The following SMIM33 variants were observed in gnomAD, a reference collection of about 807,000 sequenced individuals.
SMIM33 encodes the protein small integral membrane protein 33.
intron 1 of SMIM33, among the ~76,000 whole-genome samples, chr5:139,472,038 C>T (rs182464030): frequency 2.6e-4 from 40 of 152,266 alleles, no homozygotes; most frequent in Admixed American, 1.3e-3. Flanking sequence ...CCAAGACTCC[C>T]GACCCAGGGC....
In SMIM33 at chr5:139,473,002, C is replaced by T. The variant is rs1232755911; in HGVS notation, c.*81C>T. The T allele has an allele frequency of 1.0e-5, 4 of 398,222 alleles. No homozygotes were observed. The highest frequency in any genetic ancestry group is 2.1e-5 in the African/African-American group (1 of 48,638). 24.7% of individuals were successfully genotyped at this position (398,222 alleles called of 1,614,324 possible). On this transcript the variant is annotated 3_prime_UTR_variant, in exon 2 of 2. Coordinates refer to ENST00000637503, the MANE Select transcript of SMIM33 (RefSeq NM_001365197.1). ...GAACTAGGGCAAAAGCAAATTGGAG[C>T]CTGGGCATCAGAGCGTCGGAAGGGC... is the stretch of plus-strand genomic sequence containing the variant.
intron 1 of SMIM33, 93 bp downstream of exon 1, chr5:139,471,223 CA>C: frequency 2.5e-6 from 1 of 398,862 alleles, no homozygotes. Context: ...TTTTCCTCTG[CA>C]CATCTAGAGC....
intron 1 of SMIM33, 112 bp from the exon 2 acceptor site, chr5:139,472,420 C>T (rs1581444834): frequency 1.5e-5 from 6 of 392,642 alleles, no homozygotes; most frequent in East Asian, 1.1e-4. Flanking sequence ...TGGTCCCTCC[C>T]GCCCTCAACC....
rs1751563223 is a variant in SMIM33 at position 139,473,073 on chromosome 5, G to C, written c.*152G>C. ...TGCTCTCTCAGAACATTTATAGAGA[G>C]AGCCCTGTGGTGGGCAAGAGAAATC... On this transcript the variant is annotated 3_prime_UTR_variant, in exon 2 of 2. Coordinates refer to ENST00000637503, the MANE Select transcript of SMIM33 (RefSeq NM_001365197.1). 1 of 396,722 alleles carries C rather than the reference G, an allele frequency of 2.5e-6. No homozygotes were observed. The highest frequency in any genetic ancestry group is 4.4e-5 in the Admixed American group (1 of 22,686). The allele number at this position is 396,722 out of a possible 1,614,324, so 24.6% of individuals were successfully genotyped here. A position where few individuals can be genotyped will look rare whatever the true frequency, so the allele number is the denominator to read the frequency against.
At chr5:139,471,192 G>A (rs1293277590) in intron 1 of SMIM33, 62 bp downstream of exon 1, 1 of 398,840 alleles carries the variant, frequency 2.5e-6, no homozygotes, top group Non-Finnish European at 4.4e-6. Context: ...CCCCCTGTCT[G>A]TCACCAGCCT....
At position 139,471,070 on chromosome 5, in the gene SMIM33, C is replaced by T. The variant is rs1018174267; in HGVS notation, c.-52C>T. 2.5e-6 allele frequency: 1 copy of T among 398,648 alleles called. No homozygotes were observed. The highest frequency in any genetic ancestry group is 4.4e-6 in the Non-Finnish European group (1 of 226,186). The allele number at this position is 398,648 out of a possible 1,614,324, so 24.7% of individuals were successfully genotyped here. A position where few individuals can be genotyped will look rare whatever the true frequency, so the allele number is the denominator to read the frequency against. ...GGGCTGAATTAGGGTGGCCAGCCCT[C>T]CTTTACCCAGCTGGCTGCCAGTCCC... On this transcript the variant is annotated 5_prime_UTR_variant, in exon 1 of 2. Coordinates refer to ENST00000637503, the MANE Select transcript of SMIM33 (RefSeq NM_001365197.1).
intron 1 of SMIM33, among the ~76,000 whole-genome samples, chr5:139,471,789 C>T (rs1016196294): frequency 6.6e-6 from 1 of 152,044 alleles, no homozygotes; most frequent in Non-Finnish European, 1.5e-5. Flanking sequence ...GTTGAGACCT[C>T]GGCAGGGTGG....
rs1196779600 is a variant in SMIM33 at position 139,473,034 on chromosome 5, G to T, written c.*113G>T. ...ATCAGAGCGTCGGAAGGGCACACTG[G>T]ACTCAGCTGGAGCTGCTCTCTCAGA... On this transcript the variant is annotated 3_prime_UTR_variant, in exon 2 of 2. Coordinates refer to ENST00000637503, the MANE Select transcript of SMIM33 (RefSeq NM_001365197.1). 4 of 397,740 alleles carry T rather than the reference G, an allele frequency of 1.0e-5. No individual in the cohort carries two copies. The East Asian group carries it at 1.1e-4, about 11-fold the overall frequency. The allele number at this position is 397,740 out of a possible 1,614,324, so 24.6% of individuals were successfully genotyped here.
intron 1 of SMIM33, among the ~76,000 whole-genome samples, chr5:139,472,215 G>T (rs189076423): frequency 2.0e-4 from 31 of 152,266 alleles, no homozygotes; most frequent in Non-Finnish European, 4.3e-4. Context: ...CTCTGTCTCT[G>T]TCTGTATCTT....
intron 1 of SMIM33, 79 bp from the exon 2 acceptor site, chr5:139,472,453 T>G (rs2152092305): frequency 3.9e-4 from 113 of 293,204 alleles, no homozygotes; most frequent in Non-Finnish European, 4.2e-4. Context: ...TTCCTTTGGG[T>G]GTTTGTCTCT....
chr5:139,472,638 T>A lies in SMIM33; in HGVS notation c.116T>A (p.Val39Asp). 2.5e-6 allele frequency: 1 copy of A among 400,692 alleles called. No homozygotes were observed. Among genetic ancestry groups the A allele is most frequent in the Non-Finnish European group, 4.4e-6 (1 of 226,234 alleles). 24.8% of individuals were successfully genotyped at this position (400,692 alleles called of 1,614,324 possible). Residue 39 changes from valine (V) to aspartate (D), a missense_variant, in exon 2 of 2, where the codon GTT becomes GAT. By Grantham distance (152) the Val-to-Asp change is radical. Coordinates refer to ENST00000637503, the MANE Select transcript of SMIM33 (RefSeq NM_001365197.1). The stretch of plus-strand genomic sequence containing the variant: ...AGTGGCACCTGGGAACAACCTCGAG[T>A]TGACGGGCTGCCTGTGGTCACCGTC... ...VLSGTWEQPR[V>D]DGLPVVTVIV...
intron 1 of SMIM33, among the ~76,000 whole-genome samples, 180 bp downstream of exon 1, chr5:139,471,310 G>A (rs1054564455): frequency 4.2e-4 from 64 of 152,162 alleles, no homozygotes; most frequent in Non-Finnish European, 1.5e-4. Context: ...TGGGGGGTGT[G>A]CCTTTCCACG....
rs1751555953 is a variant in SMIM33, at chr5:139,472,742, G to A, written c.220G>A (p.Ala74Thr). 1 of 400,886 alleles carries A rather than the reference G, an allele frequency of 2.5e-6. No homozygotes were observed. Among genetic ancestry groups the A allele is most frequent in the East Asian group, 3.6e-5 (1 of 28,080 alleles). The allele number at this position is 400,886 out of a possible 1,614,324, so 24.8% of individuals were successfully genotyped here. Residue 74 changes from alanine to threonine, a missense_variant, in exon 2 of 2, where the codon GCC (alanine) becomes ACC (threonine). By Grantham distance (58) the Ala-to-Thr change is moderately conservative. Coordinates refer to ENST00000637503, the MANE Select transcript of SMIM33 (RefSeq NM_001365197.1). ...HFGPRLHQGH[A>T]TLPTEPPTPK... ...TGGGCCAAGGCTGCACCAGGGCCAT[G>A]CCACTCTCCCTACAGAGCCACCGAC...
rs536041943 is a variant in SMIM33 at position 139,472,670 on chromosome 5, G to C, written c.148G>C (p.Ala50Pro). ...GCTGCCTGTGGTCACCGTCATTGTC[G>C]CTGTCTTTGTTCTGCTGGCAGTCTG... Reference protein sequence around the residue: ...DGLPVVTVIVAVFVLLAVCII... With the variant: ...DGLPVVTVIVPVFVLLAVCII... The change falls in exon 2 of 2, where the codon GCT becomes CCT. Residue 50 changes from alanine to proline, a missense_variant. Coordinates refer to ENST00000637503, the MANE Select transcript of SMIM33 (RefSeq NM_001365197.1). 5.0e-6 allele frequency: 2 copies of C among 400,702 alleles called. No individual in the cohort carries two copies. Among genetic ancestry groups the C allele is most frequent in the African/African-American group, 4.1e-5 (2 of 48,686 alleles). 24.8% of individuals were successfully genotyped at this position (400,702 alleles called of 1,614,324 possible).
At chr5:139,471,323 G>A (rs1387636317) in intron 1 of SMIM33, among the ~76,000 whole-genome samples, 193 bp downstream of exon 1, 1 of 152,170 alleles carries the variant, frequency 6.6e-6, no homozygotes, top group Non-Finnish European at 1.5e-5. Flanking sequence ...TTTCCACGAA[G>A]GGATGCATGT....
At position 139,472,664 on chromosome 5, in the gene SMIM33, A is replaced by T. The variant is rs1160000598; in HGVS notation, c.142A>T (p.Ile48Phe). The T allele has an allele frequency of 2.5e-6, 1 of 400,552 alleles. No homozygotes were observed. The highest frequency in any genetic ancestry group is 2.1e-5 in the African/African-American group (1 of 48,654). The allele number at this position is 400,552 out of a possible 1,614,324, so 24.8% of individuals were successfully genotyped here. The part of the protein sequence containing the change: ...RVDGLPVVTV[I>F]VAVFVLLAVC... ...TGACGGGCTGCCTGTGGTCACCGTC[A>T]TTGTCGCTGTCTTTGTTCTGCTGGC... Residue 48 changes from isoleucine (I) to phenylalanine (F), a missense_variant, in exon 2 of 2, where the codon ATT becomes TTT. Physicochemically the swap from Ile to Phe is conservative, Grantham distance 21 (BLOSUM62 0). Coordinates refer to ENST00000637503, the MANE Select transcript of SMIM33 (RefSeq NM_001365197.1).
rs894728608 is a variant in SMIM33 at position 139,471,007 on chromosome 5, G to C, written c.-115G>C. The C allele has an allele frequency of 1.0e-5, 4 of 398,822 alleles. No homozygotes were observed. Among genetic ancestry groups the C allele is most frequent in the Non-Finnish European group, 1.3e-5 (3 of 226,230 alleles). 24.7% of individuals were successfully genotyped at this position (398,822 alleles called of 1,614,324 possible). On this transcript the variant is annotated 5_prime_UTR_variant, in exon 1 of 2. Coordinates refer to ENST00000637503, the MANE Select transcript of SMIM33 (RefSeq NM_001365197.1). ...CGGTGAGAGTGTGTGCACAGGGTGT[G>C]TGCCCATGGGCCCCGCAGACGTGGC...
At chr5:139,471,591 AC>A (rs1561480194) in intron 1 of SMIM33, among the ~76,000 whole-genome samples, 1 of 152,056 alleles carries the variant, frequency 6.6e-6, no homozygotes, top group Non-Finnish European at 1.5e-5. Context: ...CTACAATGCC[AC>A]CACCCCCATC....
rs1751557362 is a variant in SMIM33, at chr5:139,472,810, G to C, written c.288G>C (p.Val96=). The C allele has an allele frequency of 2.5e-6, 1 of 400,934 alleles. No homozygotes were observed. Among genetic ancestry groups the C allele is most frequent in the Non-Finnish European group, 4.4e-6 (1 of 226,352 alleles). The allele number at this position is 400,934 out of a possible 1,614,324, so 24.8% of individuals were successfully genotyped here. Residue 96 remains valine (V), a synonymous_variant, in exon 2 of 2, where the codon GTG becomes GTC. Transcript: ENST00000637503. ...GCATCTACCTCATCCACTGGCGGGTGCTGGGCCCCCAAGACAGTCCTGAAG... is the reference window on the plus strand; with the variant it reads ...GCATCTACCTCATCCACTGGCGGGTCCTGGGCCCCCAAGACAGTCCTGAAG... ...DGGIYLIHWR[V]LGPQDSPEEA...
Sources: allele counts gnomAD v4.1 joint callset (sites outside exome capture counted in the v4.1 genomes callset), GRCh38; gene constraint gnomAD v4.1.1; transcripts MANE v1.5; gene names NCBI Gene and HGNC (gene_info 2026-07-23, HGNC 2026-07-21).